Variants in ASAP2 observed in about 807,000 individuals in gnomAD.
ASAP2 encodes the protein arf-GAP with SH3 domain, ANK repeat and PH domain-containing protein 2.
ASAP2 carries 45 observed loss-of-function variants against 131.4 expected under a neutral mutation model. The observed-to-expected ratio is 0.34, with a 90% CI of 0.27 to 0.44. The LOEUF (loss-of-function observed/expected upper bound fraction) is 0.44. Among genes scored for constraint, ASAP2 ranks in the 20% least tolerant of loss-of-function variants. ASAP2 has a pLI of 1.00. For missense variants in ASAP2, 1,011 were observed against 1,297.0 expected (o/e 0.78, Z 3.39); for synonymous variants, 510 against 503.0 (o/e 1.01, Z -0.19).
chr2:9,373,031 G>A (rs747322711), intron 16 of ASAP2, among the ~76,000 whole-genome samples: 13 of 152,160 alleles, frequency 8.5e-5, no homozygotes, highest in South Asian at 2.1e-4. Flanking sequence ...TCATGGCACT[G>A]TTGAGGGAAC....
intron 7 of ASAP2, among the ~76,000 whole-genome samples, chr2:9,329,364 G>A (rs993089860): frequency 2.6e-5 from 4 of 152,288 alleles, no homozygotes; most frequent in South Asian, 2.1e-4. Context: ...TCTGCCAGGC[G>A]CTATTAGGGG....
chr2:9,358,656 T>A, intron 14 of ASAP2, 100 bp from the exon 15 acceptor site: 1 of 1,411,196 alleles, frequency 7.1e-7, no homozygotes, highest in Non-Finnish European at 9.5e-7. Flanking sequence ...AAAATGCTCA[T>A]GCTCAGAACT....
At chr2:9,254,254 T>TATATATATATATATATATACAC (rs1553297027) in intron 1 of ASAP2, among the ~76,000 whole-genome samples, 11 of 65,742 alleles carry the variant, frequency 1.7e-4, no homozygotes, top group African/African-American at 5.9e-4. Context: ...TATATATATA[T>TATATATATATATATATATACAC]ACACGTGTGT....
At chr2:9,332,675 TC>T (rs774716147) in intron 7 of ASAP2, among the ~76,000 whole-genome samples, 59 of 152,168 alleles carry the variant, frequency 3.9e-4, no homozygotes, top group Non-Finnish European at 7.2e-4. Context: ...GTACACCTGC[TC>T]CCTCTCCCTG....
chr2:9,269,266 C>T (rs1666171001), intron 1 of ASAP2, among the ~76,000 whole-genome samples: 8 of 151,726 alleles, frequency 5.3e-5, no homozygotes, highest in Admixed American at 4.6e-4. Context: ...GGGGAGGGGG[C>T]GCGCATAACA....
At chr2:9,403,143 T>A in intron 27 of ASAP2, 110 bp from the exon 28 acceptor site, 1 of 830,668 alleles carries the variant, frequency 1.2e-6, no homozygotes, top group Non-Finnish European at 1.9e-6. Flanking sequence ...GTCGGAAGAG[T>A]CTTCTGAACC....
At chr2:9,250,931 T>C (rs982105966) in intron 1 of ASAP2, among the ~76,000 whole-genome samples, 5 of 152,180 alleles carry the variant, frequency 3.3e-5, no homozygotes, top group African/African-American at 1.2e-4. Context: ...CAGTGAACTA[T>C]GAAACGAGGC....
chr2:9,377,010 T>C lies in ASAP2; in HGVS notation c.1832+17T>C. 6.2e-7 allele frequency: 1 copy of C among 1,600,704 alleles called. No individual in the cohort carries two copies. The highest frequency in any genetic ancestry group is 8.6e-7 in the Non-Finnish European group (1 of 1,168,686). ...TCAGAACAGGTAGGTGTTCTGAAAT[T>C]AAGGGAGGCACTCGTTTTCTCCTTG... On this transcript the variant is annotated intron_variant, in intron 18 of 27. Transcript: ENST00000281419.
intron 19 of ASAP2, 61 bp from the exon 20 acceptor site, chr2:9,380,679 TG>T: frequency 6.7e-7 from 1 of 1,492,624 alleles, no homozygotes; most frequent in Non-Finnish European, 9.3e-7. Context: ...AAAATTGTCC[TG>T]GATGTCAGGC....
Position 9,311,504 on chromosome 2 carries a change from A to G in ASAP2, c.346-7020A>G, listed in dbSNP as rs1158158425. On this transcript the variant is annotated intron_variant, in intron 3 of 27. Transcript: ENST00000281419. This position sits in a 1 kb window ranked among gnomAD's most constrained non-coding sequence, Gnocchi z 5.2. ...ATTTGTTAAAAGTGAGTCAGAACATAAGAGAAAGCCCTATGCTTTCTTGGT... is the reference window on the plus strand; with the variant it reads ...ATTTGTTAAAAGTGAGTCAGAACATGAGAGAAAGCCCTATGCTTTCTTGGT... Among the ~76,000 whole-genome samples, 1 of 152,260 alleles carries G rather than the reference A, an allele frequency of 6.6e-6. No homozygotes were observed. Among genetic ancestry groups the G allele is most frequent in the Non-Finnish European group, 1.5e-5 (1 of 68,054 alleles).
At chr2:9,351,993 T>G (rs1316181728) in intron 12 of ASAP2, among the ~76,000 whole-genome samples, 1 of 152,170 alleles carries the variant, frequency 6.6e-6, no homozygotes, top group Non-Finnish European at 1.5e-5. Context: ...TCTAGTAAGG[T>G]CCACAGATTC....
chr2:9,228,347 A>G (rs1047682024), intron 1 of ASAP2, among the ~76,000 whole-genome samples: 1 of 152,052 alleles, frequency 6.6e-6, no homozygotes, highest in African/African-American at 2.4e-5. Flanking sequence ...CATCCTGCCT[A>G]CTCACTTGGT....
chr2:9,353,214 C>T (rs983821722), intron 12 of ASAP2, among the ~76,000 whole-genome samples: 1 of 151,844 alleles, frequency 6.6e-6, no homozygotes, highest in Admixed American at 6.5e-5. Flanking sequence ...TCTACTTCCT[C>T]ACCAGCCTCA....
At chr2:9,343,327 C>T (rs1478421146) in intron 9 of ASAP2, among the ~76,000 whole-genome samples, 1 of 152,222 alleles carries the variant, frequency 6.6e-6, no homozygotes, top group African/African-American at 2.4e-5. Context: ...GACCTGTGAA[C>T]ACTTGGTTCA....
In ASAP2 at chr2:9,329,512, C is replaced by G. The variant is rs143741693; in HGVS notation, c.686+1601C>G. ...GGCAAAACAGTGATGGGGAGAGAGA[C>G]AGTGGTGTTGGTTAGAAGCAGCTTC... On this transcript the variant is annotated intron_variant, in intron 7 of 27. Coordinates refer to ENST00000281419, the MANE Select transcript of ASAP2 (RefSeq NM_003887.3). Among the ~76,000 whole-genome samples, 1,030 of 152,232 alleles carry G rather than the reference C, an allele frequency of 6.8e-3. 6 individuals carry two copies. The highest frequency in any genetic ancestry group is 0.011 in the Non-Finnish European group (761 of 68,010).
At chr2:9,358,653 T>C (rs1672873026) in intron 14 of ASAP2, 103 bp from the exon 15 acceptor site, 1 of 1,401,346 alleles carries the variant, frequency 7.1e-7, no homozygotes, top group African/African-American at 1.4e-5. Flanking sequence ...CAGAAAATGC[T>C]CATGCTCAGA....
At chr2:9,227,887 A>G (rs943618347) in intron 1 of ASAP2, among the ~76,000 whole-genome samples, 1 of 152,278 alleles carries the variant, frequency 6.6e-6, no homozygotes, top group African/African-American at 2.4e-5. Flanking sequence ...GGAAATGACT[A>G]GTGAGGACAG....
intron 15 of ASAP2, among the ~76,000 whole-genome samples, chr2:9,360,809 G>A (rs545877734): frequency 7.3e-4 from 111 of 152,106 alleles, no homozygotes; most frequent in Admixed American, 1.6e-3. Context: ...ATAATTATGA[G>A]TTTATATAGC....
chr2:9,371,109 T>A lies in ASAP2; in HGVS notation c.1556+2590T>A, dbSNP rs183386905. ...ACTGTCAATGTGGAACCCTTCAGTATGAACGTTCTGTCTGCACTGTAGCCC... is the reference window on the plus strand; with the variant it reads ...ACTGTCAATGTGGAACCCTTCAGTAAGAACGTTCTGTCTGCACTGTAGCCC... On this transcript the variant is annotated intron_variant, in intron 16 of 27. Transcript: ENST00000281419. Among the ~76,000 whole-genome samples the A allele has an allele frequency of 4.3e-3, 651 of 152,306 alleles. 3 individuals are homozygous for A. The highest frequency in any genetic ancestry group is 0.015 in the African/African-American group (631 of 41,558).
Sources: gnomAD v4.1 joint callset for allele counts (sites outside exome capture counted in the v4.1 genomes callset) on GRCh38, gnomAD v4.1.1 for gene constraint, Gnocchi (gnomAD v3.1) non-coding constraint, MANE v1.5 for transcripts, NCBI Gene and HGNC (gene_info 2026-07-23, HGNC 2026-07-21) for gene names.